The following TMEM8B variants were observed in gnomAD, a reference collection of about 807,000 sequenced individuals.
TMEM8B encodes nasopharyngeal carcinoma expressed 6.
TMEM8B carries 29 observed loss-of-function variants against 49.3 expected under a neutral mutation model. The observed-to-expected ratio is 0.59, with a 90% CI of 0.44 to 0.80. The LOEUF (loss-of-function observed/expected upper bound fraction) is 0.80, where lower values mean the gene tolerates loss of function less well. TMEM8B is among the 30% of genes least tolerant of loss of function. TMEM8B has a pLI of 0.00. For synonymous variants in TMEM8B, 264 were observed against 272.8 expected, an observed-to-expected ratio of 0.97 and a Z score of 0.32; for missense variants, 575 against 658.5, an observed-to-expected ratio of 0.87 and a Z score of 1.39.
Position 35,853,143 on chromosome 9 carries a change from GC to G in TMEM8B, c.2326del (p.Leu776CysfsTer161). 6.2e-7 allele frequency: 1 copy of G among 1,613,776 alleles called. No homozygotes were observed. Among genetic ancestry groups the G allele is most frequent in the Non-Finnish European group, 8.5e-7 (1 of 1,179,662 alleles). Reference protein sequence around the residue: ...ARLQPVVKQVLYLLGAMLLSM... With the variant: ...ARLQPVVKQVXYLLGAMLLSM... The stretch of plus-strand genomic sequence containing the variant: ...AGCCCTTGAGTCTCTTTCTCTAGGT[GC>G]TGTATTTGCTGGGAGCTATGCTGCT... On this transcript the variant is annotated frameshift_variant, in exon 12 of 13. Coordinates refer to ENST00000643932, the MANE Select transcript of TMEM8B (RefSeq NM_001042590.4). LOFTEE classifies it high-confidence loss of function. The surrounding 1 kb of genome is among the most constrained non-coding windows in gnomAD (Gnocchi z 4.2).
chr9:35,837,379 G>A (rs1224472709), intron 3 of TMEM8B, among the ~76,000 whole-genome samples: 1 of 152,184 alleles, frequency 6.6e-6, no homozygotes, highest in Non-Finnish European at 1.5e-5. Flanking sequence ...CTAGCGTGGT[G>A]GAGGTGGTAT....
In TMEM8B at chr9:35,862,918, C is replaced by T. The variant is rs1832675769; in HGVS notation, c.*9078C>T. On this transcript the variant is annotated 3_prime_UTR_variant, in exon 13 of 13. Coordinates refer to ENST00000643932, the MANE Select transcript of TMEM8B (RefSeq NM_001042590.4). The stretch of plus-strand genomic sequence containing the variant: ...CTGTGTCCTTCATCACTGTCACCCT[C>T]CAGTGACCCGCAGCCAGGAGGTGTC... 2.0e-5 allele frequency: 3 copies of T among 152,244 alleles called. 1 individual carries two copies. In the South Asian group the frequency reaches 6.2e-4, roughly 31 times the overall value. 9.4% of individuals were successfully genotyped at this position (152,244 alleles called of 1,614,324 possible).
Position 35,841,039 on chromosome 9 carries a change from G to C in TMEM8B, c.907-95G>C. ...CCTGGGAGTGGTGGCCGGGGCGGGGGTTTCTCCCCAGCCCGCCCAGCAGGT... is the reference window on the plus strand; with the variant it reads ...CCTGGGAGTGGTGGCCGGGGCGGGGCTTTCTCCCCAGCCCGCCCAGCAGGT... On this transcript the variant is annotated intron_variant, in intron 3 of 12. Transcript: ENST00000643932. This position sits in a 1 kb window ranked among gnomAD's most constrained non-coding sequence, Gnocchi z 5.9. 1 of 412,196 alleles carries C rather than the reference G, an allele frequency of 2.4e-6. No homozygotes were observed. Among genetic ancestry groups the C allele is most frequent in the East Asian group, 3.6e-5 (1 of 28,050 alleles). 25.5% of individuals were successfully genotyped at this position (412,196 alleles called of 1,614,324 possible).
chr9:35,850,253 A>G (rs1047747962), intron 10 of TMEM8B, among the ~76,000 whole-genome samples: 3 of 148,738 alleles, frequency 2.0e-5, no homozygotes, highest in Admixed American at 6.6e-5. Flanking sequence ...AATTCCACAG[A>G]AAAAAAACCT....
chr9:35,853,853 G>T lies in TMEM8B; in HGVS notation c.*13G>T. The T allele has an allele frequency of 6.6e-7, 1 of 1,525,500 alleles. No homozygotes were observed. Among genetic ancestry groups the T allele is most frequent in the Non-Finnish European group, 8.8e-7 (1 of 1,142,300 alleles). 94.5% of individuals were successfully genotyped at this position (1,525,500 alleles called of 1,614,324 possible). Reference sequence around the variant, plus strand: ...CTGTGCCAGCTGAGAGGGGCTTTGGGCCTGGCCCTGAGGGGATATGAATGC... The same window carrying T: ...CTGTGCCAGCTGAGAGGGGCTTTGGTCCTGGCCCTGAGGGGATATGAATGC... On this transcript the variant is annotated 3_prime_UTR_variant, in exon 13 of 13. Coordinates refer to ENST00000643932, the MANE Select transcript of TMEM8B (RefSeq NM_001042590.4). The surrounding 1 kb of genome is among the most constrained non-coding windows in gnomAD (Gnocchi z 4.2).
Position 35,841,739 on chromosome 9 carries a change from A to G in TMEM8B, c.1254A>G (p.Thr418=), listed in dbSNP as rs2132297821. The G allele has an allele frequency of 2.4e-6, 1 of 415,934 alleles. No homozygotes were observed. The highest frequency in any genetic ancestry group is 4.4e-6 in the Non-Finnish European group (1 of 226,506). The allele number at this position is 415,934 out of a possible 1,614,324, so 25.8% of individuals were successfully genotyped here. The change falls in exon 5 of 13, where the codon ACA becomes ACG. Residue 418 remains threonine (T), a synonymous_variant. Coordinates refer to ENST00000643932, the MANE Select transcript of TMEM8B (RefSeq NM_001042590.4). This position sits in a 1 kb window ranked among gnomAD's most constrained non-coding sequence, Gnocchi z 5.9. ...WGHWVYVRVE[T]SSRGPGRTIR... Reference sequence around the variant, plus strand: ...ACTGGGTCTACGTGCGTGTGGAAACATCATCCCGGGGCCCTGGTAGGACCA... The same window carrying G: ...ACTGGGTCTACGTGCGTGTGGAAACGTCATCCCGGGGCCCTGGTAGGACCA...
rs971758549 is a variant in TMEM8B at position 35,834,613 on chromosome 9, A to G, written c.661A>G (p.Thr221Ala). The G allele has an allele frequency of 2.4e-6, 1 of 415,898 alleles. No homozygotes were observed. Among genetic ancestry groups the G allele is most frequent in the Admixed American group, 4.4e-5 (1 of 22,742 alleles). The allele number at this position is 415,898 out of a possible 1,614,324, so 25.8% of individuals were successfully genotyped here. ...CATCATCTTCAAGGAGCAAGGGGGA[A>G]CTTTTGGGGACCACTGCCCAGACCA... Reference protein sequence around the residue: ...NLIIFKEQGGTFGDHCPDQSV... With the variant: ...NLIIFKEQGGAFGDHCPDQSV... The change falls in exon 2 of 13, where the codon ACT becomes GCT. Residue 221 changes from threonine to alanine, a missense_variant. Physicochemically the swap from Thr to Ala is moderately conservative, Grantham distance 58 (BLOSUM62 0). Coordinates refer to ENST00000643932, the MANE Select transcript of TMEM8B (RefSeq NM_001042590.4).
In TMEM8B at chr9:35,833,266, A is replaced by G. The variant is rs148268555; in HGVS notation, c.509-1195A>G. On this transcript the variant is annotated intron_variant, in intron 1 of 12. Transcript: ENST00000643932. ...CCTGCTTGGCTGAAAATGCCCCTCC[A>G]GAGTAGTCCTTATTCCAGCCCCGGG... The G allele has an allele frequency of 1.8e-3, 1,785 of 976,910 alleles. 25 individuals carry two copies. In the African/African-American group the frequency reaches 0.028, roughly 16 times the overall value. 60.5% of individuals were successfully genotyped at this position (976,910 alleles called of 1,614,324 possible).
In TMEM8B at chr9:35,853,554, G is replaced by A. The variant is rs199969691; in HGVS notation, c.2489G>A (p.Arg830His). Residue 830 changes from arginine to histidine, a missense_variant, in exon 13 of 13, where the codon CGC becomes CAC. Physicochemically the swap from Arg to His is conservative, Grantham distance 29. Coordinates refer to ENST00000643932, the MANE Select transcript of TMEM8B (RefSeq NM_001042590.4). This position sits in a 1 kb window ranked among gnomAD's most constrained non-coding sequence, Gnocchi z 4.2. ...CACTGCTACCCACCCACGTGGCGCC[G>A]CTGGCTTTTCTACTTGTGCCCTGGC... ...RRHCYPPTWRRWLFYLCPGSL... is the reference protein window; with the variant it reads ...RRHCYPPTWRHWLFYLCPGSL... The A allele has an allele frequency of 9.9e-6, 16 of 1,614,130 alleles. No individual in the cohort carries two copies. The highest frequency in any genetic ancestry group is 8.3e-5 in the Admixed American group (5 of 60,026).
intron 9 of TMEM8B, 75 bp downstream of exon 9, chr9:35,846,686 AGT>A: frequency 6.5e-7 from 1 of 1,549,758 alleles, no homozygotes; most frequent in South Asian, 1.2e-5. Context: ...AGGCGGCGGG[AGT>A]AGGGGAGTGC....
chr9:35,846,988 TCTC>T lies in TMEM8B; in HGVS notation c.2170_2172del (p.Ser724del). On this transcript the variant is annotated inframe_deletion, in exon 10 of 13. Coordinates refer to ENST00000643932, the MANE Select transcript of TMEM8B (RefSeq NM_001042590.4). Reference sequence around the variant, plus strand: ...GCAGTCTACACCTTCACCATGTTCTTCTCCACGGTATGCGGTGGTGTCTGCATC... The same window carrying T: ...GCAGTCTACACCTTCACCATGTTCTTCACGGTATGCGGTGGTGTCTGCATC... 1 of 1,614,202 alleles carries T rather than the reference TCTC, an allele frequency of 6.2e-7. No individual in the cohort carries two copies. The highest frequency in any genetic ancestry group is 8.5e-7 in the Non-Finnish European group (1 of 1,180,034).
chr9:35,863,196 A>C lies in TMEM8B; in HGVS notation c.*9356A>C. The C allele has an allele frequency of 6.6e-6, 1 of 152,300 alleles. No individual in the cohort carries two copies. The highest frequency in any genetic ancestry group is 2.1e-4 in the South Asian group (1 of 4,834). The allele number at this position is 152,300 out of a possible 1,614,324, so 9.4% of individuals were successfully genotyped here. Reference sequence around the variant, plus strand: ...AACGCTGAACCCAAGGTCTTGCCTCAAAATCAATTCCCCCTTCCCCCTCCA... The same window carrying C: ...AACGCTGAACCCAAGGTCTTGCCTCCAAATCAATTCCCCCTTCCCCCTCCA... On this transcript the variant is annotated 3_prime_UTR_variant, in exon 13 of 13. Coordinates refer to ENST00000643932, the MANE Select transcript of TMEM8B (RefSeq NM_001042590.4).
rs192562832 is a variant in TMEM8B, at chr9:35,843,980, T to C, written c.1635+1263T>C. 2.8e-3 allele frequency among the ~76,000 whole-genome samples: 428 copies of C among 152,280 alleles called. 2 individuals are homozygous for C. Among genetic ancestry groups the C allele is most frequent in the South Asian group, 5.6e-3 (27 of 4,830 alleles). On this transcript the variant is annotated intron_variant, in intron 6 of 12. Transcript: ENST00000643932. ...GGTTTCACCATGTTGCCCAGGCTGG[T>C]CTCAAACTCCTGGACTCAACTGATC...
Position 35,835,182 on chromosome 9 carries a change from C to T in TMEM8B, c.870C>T (p.Ala290=), listed in dbSNP as rs1228797364. 3 of 415,646 alleles carry T rather than the reference C, an allele frequency of 7.2e-6. No homozygotes were observed. The highest frequency in any genetic ancestry group is 1.3e-5 in the Non-Finnish European group (3 of 226,428). The allele number at this position is 415,646 out of a possible 1,614,324, so 25.7% of individuals were successfully genotyped here. Residue 290 remains alanine (A), a synonymous_variant, in exon 3 of 13, where the codon GCC becomes GCT. Coordinates refer to ENST00000643932, the MANE Select transcript of TMEM8B (RefSeq NM_001042590.4). ...SPLPGDWFLA[A]HLPQAHGHIS... is the part of the protein sequence containing the mutation. The stretch of plus-strand genomic sequence containing the variant: ...TACCTGGGGACTGGTTCTTGGCTGC[C>T]CACCTTCCCCAGGCCCACGGCCACA...
In TMEM8B at chr9:35,856,209, C is replaced by T. The variant is rs2132421880; in HGVS notation, c.*2369C>T. On this transcript the variant is annotated 3_prime_UTR_variant, in exon 13 of 13. Coordinates refer to ENST00000643932, the MANE Select transcript of TMEM8B (RefSeq NM_001042590.4). Reference sequence around the variant, plus strand: ...TGAGATTTTCATCACTCCCTGTGGTCTTCAGTCAGTAAAGCTCTTAGAACA... The same window carrying T: ...TGAGATTTTCATCACTCCCTGTGGTTTTCAGTCAGTAAAGCTCTTAGAACA... 6.6e-6 allele frequency: 1 copy of T among 152,360 alleles called. No homozygotes were observed. The highest frequency in any genetic ancestry group is 1.5e-5 in the Non-Finnish European group (1 of 68,060). 9.4% of individuals were successfully genotyped at this position (152,360 alleles called of 1,614,324 possible). A position where few individuals can be genotyped will look rare whatever the true frequency, so the allele number is the denominator to read the frequency against.
At position 35,852,909 on chromosome 9, in the gene TMEM8B, G is replaced by C. The variant is rs759959256; in HGVS notation, c.2258G>C (p.Gly753Ala). The C allele has an allele frequency of 7.4e-6, 12 of 1,614,196 alleles. No homozygotes were observed. Among genetic ancestry groups the C allele is most frequent in the African/African-American group, 6.7e-5 (5 of 75,040 alleles). The change falls in exon 11 of 13, where the codon GGC becomes GCC. Residue 753 changes from glycine to alanine, a missense_variant. By Grantham distance (60) the Gly-to-Ala change is moderately conservative. Transcript: ENST00000643932. ...GTGCTGCAGTTCTGTGATTTCCTGG[G>C]CTCCTTAATGTCCGTGTGGGTCACT... ...YDVLQFCDFL[G>A]SLMSVWVTVI...
chr9:35,860,903 G>C lies in TMEM8B; in HGVS notation c.*7063G>C, dbSNP rs1376597609. 2.0e-5 allele frequency: 3 copies of C among 152,232 alleles called. No homozygotes were observed. Among genetic ancestry groups the C allele is most frequent in the Non-Finnish European group, 2.9e-5 (2 of 68,058 alleles). The allele number at this position is 152,232 out of a possible 1,614,324, so 9.4% of individuals were successfully genotyped here. On this transcript the variant is annotated 3_prime_UTR_variant, in exon 13 of 13. Transcript: ENST00000643932. ...GTGGGCGAGGCTGTGGTCTCTCCCA[G>C]GTGACCTCCATCGCCATGCAGAGCT... is the stretch of plus-strand genomic sequence containing the variant.
intron 3 of TMEM8B, among the ~76,000 whole-genome samples, chr9:35,836,020 G>C (rs887938827): frequency 1.3e-5 from 2 of 152,244 alleles, no homozygotes; most frequent in Non-Finnish European, 2.9e-5. Flanking sequence ...ATGGCCACGT[G>C]CATGGGGCCT....
chr9:35,840,551 A>G (rs976907074), intron 3 of TMEM8B, among the ~76,000 whole-genome samples: 1 of 152,102 alleles, frequency 6.6e-6, no homozygotes, highest in African/African-American at 2.4e-5. Flanking sequence ...CCCTGCACTC[A>G]TTACCTGTGT....
Sources: allele counts gnomAD v4.1 joint callset (sites outside exome capture counted in the v4.1 genomes callset), GRCh38; gene constraint gnomAD v4.1.1; non-coding constraint Gnocchi (gnomAD v3.1); transcripts MANE v1.5; gene names NCBI Gene and HGNC (gene_info 2026-07-23, HGNC 2026-07-21).